JDP2: variants seen among roughly 807,000 people sequenced by gnomAD.
The protein encoded by JDP2 is progesterone receptor co-activator.
In JDP2, 9 loss-of-function variants were observed where a neutral mutation model predicts 17.1. That is an observed-to-expected ratio of 0.53 (90% CI 0.32 to 0.92). JDP2 has a LOEUF of 0.92. Among genes scored for constraint, JDP2 ranks in the 40% least tolerant of loss-of-function variants. JDP2 has a pLI of 0.04. For synonymous variants in JDP2, 107 were observed against 95.6 expected (o/e 1.12, Z -0.69); for missense variants, 179 against 220.0 (o/e 0.81, Z 1.18).
In JDP2 at chr14:75,470,754, G is replaced by C. The variant is rs1886788511; in HGVS notation, c.*1279G>C. The C allele has an allele frequency of 1.3e-5, 2 of 152,258 alleles. No homozygotes were observed. Among genetic ancestry groups the C allele is most frequent in the African/African-American group, 2.4e-5 (1 of 41,468 alleles). 9.4% of individuals were successfully genotyped at this position (152,258 alleles called of 1,614,324 possible). A position where few individuals can be genotyped will look rare whatever the true frequency, so the allele number is the denominator to read the frequency against. ...GCCCTTGTGGGGCCTCCAGTAAGGA[G>C]TGAATCCTGTGCTTGCTCCATAAGT... On this transcript the variant is annotated 3_prime_UTR_variant, in exon 4 of 4. Transcript: ENST00000651602.
At chr14:75,435,487 G>A (rs1027067391) in intron 1 of JDP2, among the ~76,000 whole-genome samples, 6 of 152,164 alleles carry the variant, frequency 3.9e-5, no homozygotes, top group Admixed American at 2.0e-4. Context: ...CCGTGAGAAA[G>A]TCATTCCTTC....
chr14:75,459,809 C>T (rs1475058562), intron 2 of JDP2, among the ~76,000 whole-genome samples: 2 of 152,180 alleles, frequency 1.3e-5, no homozygotes, highest in Non-Finnish European at 2.9e-5. Context: ...TGGTAGATCA[C>T]CTACCAGGTA....
intron 1 of JDP2, chr14:75,432,394 G>C: frequency 2.0e-6 from 3 of 1,498,170 alleles, no homozygotes; most frequent in Non-Finnish European, 2.7e-6. Flanking sequence ...GTGGACTCCT[G>C]CCCTCCGCAT....
intron 2 of JDP2, among the ~76,000 whole-genome samples, chr14:75,460,432 G>A (rs554825050): frequency 5.9e-5 from 9 of 152,312 alleles, no homozygotes; most frequent in South Asian, 2.1e-4. Context: ...ATGGAGGAGC[G>A]GGGAAGATCT....
chr14:75,450,303 C>G (rs186199806), intron 2 of JDP2, among the ~76,000 whole-genome samples: 69 of 152,280 alleles, frequency 4.5e-4, no homozygotes, highest in African/African-American at 1.6e-3. Context: ...GACCCAGGAC[C>G]GGGGCACACT....
chr14:75,452,470 G>C (rs1423886856), intron 2 of JDP2, among the ~76,000 whole-genome samples: 1 of 152,154 alleles, frequency 6.6e-6, no homozygotes, highest in Non-Finnish European at 1.5e-5. Flanking sequence ...GGGCACTGTG[G>C]TGACCAGAGC....
chr14:75,445,261 A>G lies in JDP2; in HGVS notation c.201+7140A>G, dbSNP rs1885543813. The G allele has an allele frequency of 3.0e-6, 3 of 985,348 alleles. No homozygotes were observed. The South Asian group carries it at 1.4e-4, about 46-fold the overall frequency. The allele number at this position is 985,348 out of a possible 1,614,324, so 61.0% of individuals were successfully genotyped here. ...CATGGAGATCTAGAGGAACTCATGGATGGATTCAGGCGGGATGTGAAAGTG... is the reference window on the plus strand; with the variant it reads ...CATGGAGATCTAGAGGAACTCATGGGTGGATTCAGGCGGGATGTGAAAGTG... On this transcript the variant is annotated intron_variant, in intron 2 of 3. Transcript: ENST00000651602.
chr14:75,456,021 G>T (rs1211506255), intron 2 of JDP2, among the ~76,000 whole-genome samples: 1 of 152,146 alleles, frequency 6.6e-6, no homozygotes, highest in Non-Finnish European at 1.5e-5. Flanking sequence ...ACCATCTTCA[G>T]CTCCTCCATT....
chr14:75,427,526 C>T (rs1884575909), upstream of JDP2: 1 of 152,564 alleles, frequency 6.6e-6, no homozygotes, highest in South Asian at 2.1e-4. This position sits in a 1 kb window ranked among gnomAD's most constrained non-coding sequence, Gnocchi z 4.4. Context: ...CCCTGTCGCT[C>T]TCAGTTTGTG....
At chr14:75,447,669 A>AT (rs888137790) in intron 2 of JDP2, among the ~76,000 whole-genome samples, 41 of 151,782 alleles carry the variant, frequency 2.7e-4, no homozygotes, top group South Asian at 2.1e-3. Context: ...TATGTTTTTT[A>AT]TTTTTTTTGA....
chr14:75,434,437 A>C (rs1405644332), intron 1 of JDP2, among the ~76,000 whole-genome samples: 2 of 151,824 alleles, frequency 1.3e-5, no homozygotes, highest in East Asian at 3.9e-4. Flanking sequence ...CAGGGGGAGG[A>C]AAGACAGGGG....
chr14:75,453,164 TG>T (rs1169478274), intron 2 of JDP2, among the ~76,000 whole-genome samples: 2 of 129,628 alleles, frequency 1.5e-5, no homozygotes, highest in Admixed American at 7.6e-5. Context: ...ACTTTGTTGA[TG>T]GGGGGTGGGG....
chr14:75,443,178 C>G (rs775721056), intron 2 of JDP2, among the ~76,000 whole-genome samples: 5 of 152,066 alleles, frequency 3.3e-5, no homozygotes, highest in Admixed American at 3.3e-4. Flanking sequence ...TTCACTCAGC[C>G]CCAGGTGGTC....
chr14:75,469,514 A>T lies in JDP2; in HGVS notation c.*39A>T, dbSNP rs1886725355. The T allele has an allele frequency of 1.3e-6, 2 of 1,593,016 alleles. No individual in the cohort carries two copies. The highest frequency in any genetic ancestry group is 1.7e-6 in the Non-Finnish European group (2 of 1,168,616). On this transcript the variant is annotated 3_prime_UTR_variant, in exon 4 of 4. Coordinates refer to ENST00000651602, the MANE Select transcript of JDP2 (RefSeq NM_001135048.2). Reference sequence around the variant, plus strand: ...GGAGGTGGAGGAGGAGGAAGAGGAGAAGGAAAAGTGACGAAGAGAGAGGAG... The same window carrying T: ...GGAGGTGGAGGAGGAGGAAGAGGAGTAGGAAAAGTGACGAAGAGAGAGGAG...
intron 2 of JDP2, among the ~76,000 whole-genome samples, chr14:75,460,526 A>G (rs1886306735): frequency 6.6e-6 from 1 of 152,208 alleles, no homozygotes; most frequent in Non-Finnish European, 1.5e-5. Flanking sequence ...ACCTGTGTCC[A>G]TGCCCAAGAC....
At chr14:75,451,224 G>A (rs1455199926) in intron 2 of JDP2, among the ~76,000 whole-genome samples, 1 of 152,072 alleles carries the variant, frequency 6.6e-6, no homozygotes, top group African/African-American at 2.4e-5. Context: ...CCGATGGCTG[G>A]GATGGAGGAT....
intron 2 of JDP2, among the ~76,000 whole-genome samples, chr14:75,446,596 A>G (rs919785416): frequency 6.6e-6 from 1 of 152,264 alleles, no homozygotes; most frequent in Admixed American, 6.5e-5. Context: ...TGAAATGTCC[A>G]GAATAGGCAA....
chr14:75,431,290 A>C (rs1308626452), intron 1 of JDP2, among the ~76,000 whole-genome samples: 1 of 152,230 alleles, frequency 6.6e-6, no homozygotes, highest in Admixed American at 6.5e-5. Context: ...TGTTATAGGC[A>C]AGGCCTTGGA....
chr14:75,474,049 TCTC>T lies in JDP2; in HGVS notation c.*4576_*4578del, dbSNP rs1196604324. 2 of 151,942 alleles carry T rather than the reference TCTC, an allele frequency of 1.3e-5. No homozygotes were observed. Among genetic ancestry groups the T allele is most frequent in the Admixed American group, 1.3e-4 (2 of 15,270 alleles). The allele number at this position is 151,942 out of a possible 1,614,324, so 9.4% of individuals were successfully genotyped here. On this transcript the variant is annotated 3_prime_UTR_variant, in exon 4 of 4. Coordinates refer to ENST00000651602, the MANE Select transcript of JDP2 (RefSeq NM_001135048.2). ...ATGTGTGCACAGATGTGGGCTATCT[TCTC>T]CACACTCCTCTGTATATTTGATATT...
Sources: allele counts gnomAD v4.1 joint callset (sites outside exome capture counted in the v4.1 genomes callset), GRCh38; gene constraint gnomAD v4.1.1; non-coding constraint Gnocchi (gnomAD v3.1); transcripts MANE v1.5; gene names NCBI Gene and HGNC (gene_info 2026-07-23, HGNC 2026-07-21).